The following LRRC7 variants were observed in gnomAD, a reference collection of about 807,000 sequenced individuals.
The protein encoded by LRRC7 is leucine rich repeat containing 7.
In LRRC7, 23 loss-of-function variants were observed where a neutral mutation model predicts 175.7. The observed-to-expected ratio is 0.13, with a 90% CI of 0.09 to 0.19. The LOEUF (loss-of-function observed/expected upper bound fraction) is 0.19. LRRC7 is among the 10% of genes least tolerant of loss of function. LRRC7 has a pLI of 1.00. For synonymous variants in LRRC7, 685 were observed against 680.9 expected, an observed-to-expected ratio of 1.01 and a Z score of -0.09; for missense variants, 1,354 against 1,904.7, an observed-to-expected ratio of 0.71 and a Z score of 5.38.
At chr1:70,024,324 C>T (rs945675935) in intron 17 of LRRC7, among the ~76,000 whole-genome samples, 3 of 150,656 alleles carry the variant, frequency 2.0e-5, no homozygotes, top group African/African-American at 7.3e-5. Flanking sequence ...TATTAAAAAA[C>T]AGTTCTGTGT....
chr1:69,826,520 C>T (rs1679931567), intron 5 of LRRC7, among the ~76,000 whole-genome samples: 1 of 152,070 alleles, frequency 6.6e-6, no homozygotes, highest in African/African-American at 2.4e-5. Flanking sequence ...TTGGAGGAGT[C>T]ATGAACCTGA....
intron 3 of LRRC7, among the ~76,000 whole-genome samples, chr1:69,790,516 G>T (rs746601161): frequency 1.3e-5 from 2 of 151,982 alleles, no homozygotes; most frequent in Non-Finnish European, 2.9e-5. Context: ...GCTTGAAATG[G>T]TTATATAATA....
intron 2 of LRRC7, among the ~76,000 whole-genome samples, chr1:69,685,710 C>A (rs999848678): frequency 6.6e-6 from 1 of 151,842 alleles, no homozygotes; most frequent in Non-Finnish European, 1.5e-5. Flanking sequence ...CAAAAATGAA[C>A]AGAACCTCAG....
Position 70,058,562 on chromosome 1 carries a change from T to C in LRRC7, c.4230+5417T>C, listed in dbSNP as rs1661334837. ...CTATCGGATTATGCCACAGTCACTATAGTCAGAATATTTGGTTTCATGTAT... is the reference window on the plus strand; with the variant it reads ...CTATCGGATTATGCCACAGTCACTACAGTCAGAATATTTGGTTTCATGTAT... On this transcript the variant is annotated intron_variant, in intron 23 of 26. Transcript: ENST00000651989. 2.6e-5 allele frequency among the ~76,000 whole-genome samples: 4 copies of C among 152,252 alleles called. No individual in the cohort carries two copies. The South Asian group carries it at 6.2e-4, about 24-fold the overall frequency.
At chr1:69,624,287 C>T (rs1237114358) in intron 1 of LRRC7, among the ~76,000 whole-genome samples, 1 of 152,010 alleles carries the variant, frequency 6.6e-6, no homozygotes, top group African/African-American at 2.4e-5. Context: ...ATATTGAGCA[C>T]CTTTTTATAT....
intron 2 of LRRC7, among the ~76,000 whole-genome samples, chr1:69,691,990 A>G (rs1439279805): frequency 1.3e-5 from 2 of 152,256 alleles, no homozygotes; most frequent in East Asian, 1.9e-4. Context: ...GATTTTTATG[A>G]TGCTTGATCT....
At chr1:69,622,753 G>T (rs941055282) in intron 1 of LRRC7, among the ~76,000 whole-genome samples, 7 of 152,146 alleles carry the variant, frequency 4.6e-5, no homozygotes, top group African/African-American at 1.4e-4. Flanking sequence ...CTTTTCCAAG[G>T]AGAGGAGAGA....
chr1:69,738,830 A>AT (rs1335553473), intron 2 of LRRC7, among the ~76,000 whole-genome samples: 2 of 152,044 alleles, frequency 1.3e-5, no homozygotes, highest in African/African-American at 4.8e-5. Context: ...TAGAAAAAAA[A>AT]CTTAAGTGGA....
chr1:69,877,444 C>G (rs773777816), intron 7 of LRRC7, among the ~76,000 whole-genome samples: 2 of 152,042 alleles, frequency 1.3e-5, no homozygotes, highest in Non-Finnish European at 2.9e-5. Flanking sequence ...CAGAACAAGA[C>G]CCTGTCTCTA....
intron 23 of LRRC7, among the ~76,000 whole-genome samples, chr1:70,055,794 C>T (rs1417017432): frequency 6.6e-6 from 1 of 152,198 alleles, no homozygotes; most frequent in Non-Finnish European, 1.5e-5. Context: ...CCCACTAGGT[C>T]CCTCCTTCAA....
intron 2 of LRRC7, among the ~76,000 whole-genome samples, chr1:69,704,504 T>C (rs1663775831): frequency 6.6e-6 from 1 of 152,034 alleles, no homozygotes; most frequent in Admixed American, 6.6e-5. Flanking sequence ...CTAGAATGGC[T>C]TTTGTATATA....
At chr1:69,614,125 G>T (rs1203481194) in intron 1 of LRRC7, among the ~76,000 whole-genome samples, 1 of 151,824 alleles carries the variant, frequency 6.6e-6, no homozygotes, top group Non-Finnish European at 1.5e-5. Context: ...TTCATTTCAT[G>T]TTCATTAAGA....
intron 23 of LRRC7, among the ~76,000 whole-genome samples, chr1:70,063,055 A>G (rs1571216019): frequency 1.3e-5 from 2 of 152,128 alleles, no homozygotes; most frequent in East Asian, 1.9e-4. Flanking sequence ...TACCAGTACA[A>G]CAATACAACT....
chr1:69,655,585 A>G (rs12023616), intron 1 of LRRC7, among the ~76,000 whole-genome samples: 15,010 of 152,100 alleles, frequency 0.099, 839 homozygotes, highest in African/African-American at 0.16. Flanking sequence ...ATTGGGTCAC[A>G]TCGCCACTCA....
intron 16 of LRRC7, among the ~76,000 whole-genome samples, chr1:70,021,823 G>A (rs766770466): frequency 1.3e-5 from 2 of 152,104 alleles, no homozygotes; most frequent in Non-Finnish European, 2.9e-5. Context: ...AATTGATTTA[G>A]ATTTTCTCAA....
At chr1:69,679,051 C>T (rs1185384532) in intron 2 of LRRC7, among the ~76,000 whole-genome samples, 1 of 151,962 alleles carries the variant, frequency 6.6e-6, no homozygotes, top group African/African-American at 2.4e-5. Context: ...TTAGTTCATC[C>T]TCAAATTATT....
intron 2 of LRRC7, among the ~76,000 whole-genome samples, chr1:69,711,857 G>A (rs1216875880): frequency 3.3e-5 from 5 of 152,102 alleles, no homozygotes; most frequent in East Asian, 1.9e-4. Flanking sequence ...GTAGCATGTC[G>A]GAGGCAGGTC....
At chr1:69,730,729 T>A (rs191380817) in intron 2 of LRRC7, among the ~76,000 whole-genome samples, 1 of 152,304 alleles carries the variant, frequency 6.6e-6, no homozygotes, top group Admixed American at 6.5e-5. Flanking sequence ...CTCTGCCTAT[T>A]ACCAGTTCCA....
intron 22 of LRRC7, among the ~76,000 whole-genome samples, chr1:70,052,489 G>T (rs960407255): frequency 1.3e-5 from 2 of 151,978 alleles, no homozygotes; most frequent in Non-Finnish European, 2.9e-5. Context: ...AAAGCTATTT[G>T]TTGATAACGC....
Sources: allele counts gnomAD v4.1 joint callset (sites outside exome capture counted in the v4.1 genomes callset), GRCh38; gene constraint gnomAD v4.1.1; transcripts MANE v1.5; gene names NCBI Gene and HGNC (gene_info 2026-07-23, HGNC 2026-07-21).